Variants in EPHA5 observed in about 807,000 individuals in gnomAD.
EPHA5 encodes ephrin type-A receptor 5.
A neutral mutation model predicts 105.0 loss-of-function variants in EPHA5; 60 were observed. That is an observed-to-expected ratio of 0.57 (90% CI 0.46 to 0.71). EPHA5 has a LOEUF of 0.71. Ranked by LOEUF, EPHA5 falls within the 30% of genes least tolerant of loss-of-function variation. EPHA5 has a pLI of 0.00. For missense variants in EPHA5, 1,218 were observed against 1,274.7 expected, an observed-to-expected ratio of 0.96 and a Z score of 0.68; for synonymous variants, 513 against 449.1, an observed-to-expected ratio of 1.14 and a Z score of -1.80.
At chr4:65,493,064 A>G (rs1477766332) in intron 4 of EPHA5, among the ~76,000 whole-genome samples, 2 of 151,950 alleles carry the variant, frequency 1.3e-5, no homozygotes, top group Non-Finnish European at 2.9e-5. Context: ...AGAATGCATC[A>G]GCAGCTGAAT....
rs182700171 is a variant in EPHA5 at position 65,613,193 on chromosome 4, G to A, written c.247-10889C>T. On this transcript the variant is annotated intron_variant, in intron 2 of 16. Transcript: ENST00000613740. Reference sequence around the variant, plus strand: ...AAAGATCGGTTGGCTGTAGGTCTGTGACTTTATTTCTGGGACTCTATTCTG... The same window carrying A: ...AAAGATCGGTTGGCTGTAGGTCTGTAACTTTATTTCTGGGACTCTATTCTG... Among the ~76,000 whole-genome samples the A allele has an allele frequency of 9.7e-4, 147 of 152,118 alleles. 1 individual carries two copies. Among genetic ancestry groups the A allele is most frequent in the African/African-American group, 3.3e-3 (137 of 41,528 alleles).
chr4:65,575,207 T>C (rs185874891), intron 3 of EPHA5, among the ~76,000 whole-genome samples: 18 of 152,116 alleles, frequency 1.2e-4, no homozygotes, highest in South Asian at 2.1e-4. Context: ...ATCATTCTGG[T>C]CCACTGAAAG....
intron 2 of EPHA5, among the ~76,000 whole-genome samples, chr4:65,634,552 A>G (rs1272301480): frequency 6.6e-6 from 1 of 151,996 alleles, no homozygotes; most frequent in African/African-American, 2.4e-5. Context: ...TCCATAAATT[A>G]TTTATCTTAA....
chr4:65,353,344 AT>A (rs35807268), intron 11 of EPHA5, among the ~76,000 whole-genome samples: 15 of 148,476 alleles, frequency 1.0e-4, no homozygotes, highest in Non-Finnish European at 1.6e-4. Context: ...TTTTAAAAAC[AT>A]TTTTTAAAGT....
At chr4:65,346,151 G>A (rs1164518531) in intron 14 of EPHA5, among the ~76,000 whole-genome samples, 2 of 149,624 alleles carry the variant, frequency 1.3e-5, no homozygotes, top group Non-Finnish European at 3.0e-5. Flanking sequence ...ACATTTATTG[G>A]CCATCTGCAT....
At chr4:65,392,046 C>T (rs1252339652) in intron 8 of EPHA5, among the ~76,000 whole-genome samples, 1 of 152,062 alleles carries the variant, frequency 6.6e-6, no homozygotes, top group South Asian at 2.1e-4. Flanking sequence ...GAGCCAGTAA[C>T]CCTCTTACGT....
chr4:65,416,000 T>G (rs1218383143), intron 6 of EPHA5, among the ~76,000 whole-genome samples: 1 of 152,070 alleles, frequency 6.6e-6, no homozygotes, highest in Non-Finnish European at 1.5e-5. Context: ...TATTGAAAAA[T>G]ATTATTTTCC....
chr4:65,424,935 G>T lies in EPHA5; in HGVS notation c.1403-4370C>A, dbSNP rs185665221. 5.9e-5 allele frequency among the ~76,000 whole-genome samples: 9 copies of T among 152,072 alleles called. No homozygotes were observed. The East Asian group carries it at 1.4e-3, about 23-fold the overall frequency. On this transcript the variant is annotated intron_variant, in intron 5 of 16. Coordinates refer to ENST00000613740, the MANE Select transcript of EPHA5 (RefSeq NM_001281766.3). ...GAACATGATGAAAACATGAATCTCA[G>T]CTGTGTCAAATGGAATAAGAAAATA...
chr4:65,607,064 A>G (rs1744297222), intron 2 of EPHA5, among the ~76,000 whole-genome samples: 1 of 152,114 alleles, frequency 6.6e-6, no homozygotes, highest in African/African-American at 2.4e-5. Flanking sequence ...AAATATTTTT[A>G]TATATCATTT....
At chr4:65,433,670 G>C (rs2149069107) in intron 5 of EPHA5, among the ~76,000 whole-genome samples, 1 of 152,258 alleles carries the variant, frequency 6.6e-6, no homozygotes, top group South Asian at 2.1e-4. Flanking sequence ...GCAGGGCTGT[G>C]TTTCTTCTGG....
In EPHA5 at chr4:65,351,466, T is replaced by C. The variant is rs1722808695; in HGVS notation, c.2368A>G (p.Asn790Asp). Residue 790 changes from asparagine to aspartate, a missense_variant, in exon 13 of 17, where the codon AAC becomes GAC. Around this residue, in one of 3 missense-constraint regions of EPHA5, gnomAD observed 971 missense variants for 1,013.5 expected, o/e 0.96. Transcript: ENST00000613740. ...LAARNILINS[N>D]LVCKVSDFGL... ...AAGTCAGACACTTTGCACACAAGGT[T>C]ACTGTTGATTAAGATGTTTCTGGCA... 6.2e-7 allele frequency: 1 copy of C among 1,613,834 alleles called. No individual in the cohort carries two copies. The highest frequency in any genetic ancestry group is 8.5e-7 in the Non-Finnish European group (1 of 1,179,840).
intron 5 of EPHA5, among the ~76,000 whole-genome samples, chr4:65,470,193 G>GT (rs200526810): frequency 0.017 from 2,395 of 143,486 alleles, 43 homozygotes; most frequent in African/African-American, 0.05. Context: ...TTCTTTCTTT[G>GT]TTTTTTTTTT....
chr4:65,601,796 G>A lies in EPHA5; in HGVS notation c.755C>T (p.Ser252Phe), dbSNP rs907860171. Reference protein sequence around the residue: ...VFPDTITGADSSQLLEVSGSC... With the variant: ...VFPDTITGADFSQLLEVSGSC... ...GCCTGACACTTCGAGCAATTGGGAA[G>A]AATCAGCTCCAGTGATGGTGTCAGG... is the stretch of plus-strand genomic sequence containing the variant. The change falls in exon 3 of 17, where the codon TCT (serine) becomes TTT (phenylalanine). Residue 252 changes from serine (S) to phenylalanine (F), a missense_variant. Ser to Phe is a radical substitution (Grantham distance 155). Transcript: ENST00000613740. 6.2e-7 allele frequency: 1 copy of A among 1,614,178 alleles called. No individual in the cohort carries two copies. Among genetic ancestry groups the A allele is most frequent in the South Asian group, 1.1e-5 (1 of 91,076 alleles).
chr4:65,595,954 C>T (rs1403392584), intron 3 of EPHA5, among the ~76,000 whole-genome samples: 1 of 152,138 alleles, frequency 6.6e-6, no homozygotes, highest in Non-Finnish European at 1.5e-5. Flanking sequence ...CATGGGGATA[C>T]AGCCTTGGTA....
intron 3 of EPHA5, among the ~76,000 whole-genome samples, chr4:65,511,404 T>C (rs1398691647): frequency 1.3e-5 from 2 of 152,220 alleles, no homozygotes; most frequent in Non-Finnish European, 2.9e-5. Flanking sequence ...CTGTGTGTGA[T>C]GACTAGTTGT....
intron 5 of EPHA5, among the ~76,000 whole-genome samples, chr4:65,428,007 A>G (rs753440323): frequency 2.0e-5 from 3 of 152,118 alleles, no homozygotes. Flanking sequence ...TATTTTATAT[A>G]TACATATATA....
At chr4:65,645,568 A>T in intron 1 of EPHA5, among the ~76,000 whole-genome samples, 1 of 152,034 alleles carries the variant, frequency 6.6e-6, no homozygotes, top group East Asian at 1.9e-4. Flanking sequence ...TTCAAGATTC[A>T]GTTAACTGCA....
intron 2 of EPHA5, 41 bp from the exon 3 acceptor site, chr4:65,602,345 A>T: frequency 1.4e-6 from 2 of 1,455,674 alleles, no homozygotes; most frequent in Non-Finnish European, 1.8e-6. Context: ...AATTCAAAAA[A>T]TAGAAAATAA....
At chr4:65,643,464 T>C (rs1444767195) in intron 1 of EPHA5, 37 bp from the exon 2 acceptor site, 6 of 1,532,250 alleles carry the variant, frequency 3.9e-6, no homozygotes, top group African/African-American at 1.4e-5. Flanking sequence ...GTGAAATGTA[T>C]ATTATCATGA....
Sources: allele counts gnomAD v4.1 joint callset (sites outside exome capture counted in the v4.1 genomes callset), GRCh38; gene constraint gnomAD v4.1.1; regional missense constraint gnomAD v4.1.1; transcripts MANE v1.5; gene names NCBI Gene and HGNC (gene_info 2026-07-23, HGNC 2026-07-21).